Variants in PABIR3 observed in about 807,000 individuals in gnomAD.
PABIR3 encodes the protein PABIR family member 1.
A neutral mutation model predicts 23.1 loss-of-function variants in PABIR3; 20 were observed. That is an observed-to-expected ratio of 0.86 (90% CI 0.61 to 1.26). The LOEUF is 1.26. PABIR3 is among the 50% of genes most tolerant of loss of function. PABIR3 has a pLI of 0.00. For missense variants in PABIR3, 189 were observed against 195.4 expected, an observed-to-expected ratio of 0.97 and a Z score of 0.20; for synonymous variants, 69 against 68.5, an observed-to-expected ratio of 1.01 and a Z score of -0.04.
At chrX:134,810,031 A>G (rs748252623) in intron 2 of PABIR3, 19 of 752,593 alleles carry the variant, frequency 2.5e-5, no homozygotes, top group South Asian at 6.8e-5. Context: ...CTGTTGTGGG[A>G]AAAAGGAATT....
intron 2 of PABIR3, chrX:134,808,053 C>T (rs1817467136): frequency 1.3e-5 from 4 of 299,299 alleles, no homozygotes; most frequent in Non-Finnish European, 2.3e-5. Flanking sequence ...TTAGTATCCT[C>T]CCCCACTCAC....
chrX:134,826,701 T>G (rs1455821289), intron 3 of PABIR3, among the ~76,000 whole-genome samples: 1 of 111,925 alleles, frequency 8.9e-6, no homozygotes, highest in African/African-American at 3.2e-5. Context: ...CAAATAAAAT[T>G]TATATGTAGT....
At chrX:134,819,817 G>A (rs1000255991) in intron 3 of PABIR3, among the ~76,000 whole-genome samples, 3 of 111,265 alleles carry the variant, frequency 2.7e-5, no homozygotes, top group African/African-American at 6.5e-5. Flanking sequence ...CCCGGGAAGT[G>A]AAGTTTGCAG....
intron 9 of PABIR3, among the ~76,000 whole-genome samples, chrX:134,851,258 G>A (rs138417639): frequency 0.014 from 1,582 of 111,423 alleles, 30 homozygotes; most frequent in African/African-American, 0.048. Context: ...AGCATGGGCC[G>A]GGCACAGTGG....
upstream of PABIR3, among the ~76,000 whole-genome samples, chrX:134,805,314 A>G (rs2080184000): frequency 8.9e-6 from 1 of 112,010 alleles, no homozygotes; most frequent in African/African-American, 3.2e-5. Context: ...TGATTAGGAC[A>G]GTACCTGGCA....
intron 4 of PABIR3, among the ~76,000 whole-genome samples, chrX:134,838,121 T>A (rs73568796): frequency 0.012 from 1,384 of 111,331 alleles, 22 homozygotes; most frequent in African/African-American, 0.044. Context: ...CTCTTGATTT[T>A]TCTTCAGTTC....
rs767845196 is a variant in PABIR3, at chrX:134,814,912, G to C, written c.189+63G>C. ...TTGTGCTTATTGGTCTCAACCAATG[G>C]TCTTCAAACTTGAGCATTCACAGGG... On this transcript the variant is annotated intron_variant, in intron 3 of 10. Coordinates refer to ENST00000645433, the MANE Select transcript of PABIR3 (RefSeq NM_001388447.1). The C allele has an allele frequency of 5.8e-6, 5 of 863,976 alleles. No individual in the cohort carries two copies. The East Asian group carries it at 1.7e-4, about 29-fold the overall frequency. The allele number at this position is 863,976 out of a possible 1,213,427, so 71.2% of individuals were successfully genotyped here. A position where few individuals can be genotyped will look rare whatever the true frequency, so the allele number is the denominator to read the frequency against.
At chrX:134,808,322 T>C (rs1051784754) in intron 2 of PABIR3, 1 of 288,088 alleles carries the variant, frequency 3.5e-6, no homozygotes, top group African/African-American at 2.8e-5. Flanking sequence ...CCCTAGTAGC[T>C]AGGATTACAG....
In PABIR3 at chrX:134,829,297, C is replaced by T; in HGVS notation, c.246+15C>T. 1 of 1,177,597 alleles carries T rather than the reference C, an allele frequency of 8.5e-7. No homozygotes were observed. Among genetic ancestry groups the T allele is most frequent in the East Asian group, 3.0e-5 (1 of 33,499 alleles). ...AAATCAAACAGGTAAGAAGACTTTC[C>T]AAACTGACAGCTGTTCATTTAAAAA... On this transcript the variant is annotated intron_variant, in intron 4 of 10. Coordinates refer to ENST00000645433, the MANE Select transcript of PABIR3 (RefSeq NM_001388447.1).
intron 9 of PABIR3, among the ~76,000 whole-genome samples, chrX:134,849,646 C>G (rs1038457150): frequency 9.9e-5 from 11 of 110,746 alleles, no homozygotes; most frequent in African/African-American, 3.6e-4. Context: ...CAAATTAGAT[C>G]CACTTACAAC....
chrX:134,818,859 C>T (rs73568774), intron 3 of PABIR3, among the ~76,000 whole-genome samples: 1,395 of 109,622 alleles, frequency 0.013, 22 homozygotes, highest in African/African-American at 0.045. Flanking sequence ...GCAACCGGTG[C>T]ACCTGGCTTT....
At chrX:134,850,126 C>T (rs2082579961) in intron 9 of PABIR3, among the ~76,000 whole-genome samples, 2 of 108,939 alleles carry the variant, frequency 1.8e-5, no homozygotes, top group Admixed American at 2.0e-4. Context: ...CCACCCACCT[C>T]GGCCTCCCAA....
At chrX:134,855,376 G>A (rs1474370374), downstream of PABIR3, among the ~76,000 whole-genome samples, 2 of 109,755 alleles carry the variant, frequency 1.8e-5, no homozygotes, top group Non-Finnish European at 3.8e-5. Context: ...GGAGGTTGCA[G>A]TGAGCCGAGA....
rs188368073 is a variant in PABIR3, at chrX:134,851,114, C to A, written c.590-1686C>A. On this transcript the variant is annotated intron_variant, in intron 9 of 10. Transcript: ENST00000645433. ...GGTACCATAAAAATAAAAGAGAGGTCCTGAGGCAGGGGGCGGGGGGAACTA... is the reference window on the plus strand; with the variant it reads ...GGTACCATAAAAATAAAAGAGAGGTACTGAGGCAGGGGGCGGGGGGAACTA... 2.0e-3 allele frequency among the ~76,000 whole-genome samples: 222 copies of A among 110,380 alleles called. 1 individual carries two copies. Among genetic ancestry groups the A allele is most frequent in the African/African-American group, 7.1e-3 (217 of 30,387 alleles).
At chrX:134,804,317 T>C (rs2080140765), upstream of PABIR3, 1 of 877,624 alleles carries the variant, frequency 1.1e-6, no homozygotes. Flanking sequence ...TGTTTGCCAT[T>C]GTAGCATATA....
intron 4 of PABIR3, among the ~76,000 whole-genome samples, chrX:134,837,052 T>C (rs2081996343): frequency 9.0e-6 from 1 of 110,718 alleles, no homozygotes; most frequent in African/African-American, 3.3e-5. Flanking sequence ...AAAATTTTTT[T>C]TTTAATTTGC....
At chrX:134,831,549 CAT>C (rs1379902303) in intron 4 of PABIR3, 1 of 111,432 alleles carries the variant, frequency 9.0e-6, no homozygotes, top group African/African-American at 3.3e-5. Context: ...TTGGCTATCT[CAT>C]AGAATCGTTT....
At chrX:134,818,224 T>C (rs753448938) in intron 3 of PABIR3, among the ~76,000 whole-genome samples, 1 of 112,094 alleles carries the variant, frequency 8.9e-6, no homozygotes, top group South Asian at 3.7e-4. Context: ...TTCGATGTAC[T>C]AGTTTGAAGC....
intron 1 of PABIR3, among the ~76,000 whole-genome samples, chrX:134,800,149 GA>G (rs1328485377): frequency 2.8e-5 from 3 of 107,010 alleles, no homozygotes; most frequent in Non-Finnish European, 5.8e-5. Context: ...AAACACAAAA[GA>G]ATTAGCTGGG....
Sources: gnomAD v4.1 joint callset for allele counts (sites outside exome capture counted in the v4.1 genomes callset) on GRCh38, gnomAD v4.1.1 for gene constraint, MANE v1.5 for transcripts, NCBI Gene and HGNC (gene_info 2026-07-23, HGNC 2026-07-21) for gene names.